Variants in PLA2G4E observed in about 807,000 individuals in gnomAD.
PLA2G4E encodes phospholipase A2 group IVE, also known as cytosolic phospholipase A2 epsilon.
PLA2G4E carries 84 observed loss-of-function variants against 109.1 expected under a neutral mutation model. That is an observed-to-expected ratio of 0.77 (90% CI 0.65 to 0.92). The LOEUF is 0.92. Among genes scored for constraint, PLA2G4E ranks in the 40% least tolerant of loss-of-function variants. The pLI, the probability that PLA2G4E is intolerant of heterozygous loss-of-function variation, is 0.00. For missense variants in PLA2G4E, 1,057 were observed against 1,076.6 expected (o/e 0.98, Z 0.25); for synonymous variants, 469 against 436.1 (o/e 1.08, Z -0.94).
chr15:42,013,950 G>A (rs2068563946), intron 1 of PLA2G4E, among the ~76,000 whole-genome samples, 193 bp from the exon 2 acceptor site: 1 of 142,496 alleles, frequency 7.0e-6, no homozygotes, highest in South Asian at 2.2e-4. Context: ...AGAGTGCCAT[G>A]GCGCGATCTC....
chr15:41,987,778 C>A (rs2068167334), intron 16 of PLA2G4E, among the ~76,000 whole-genome samples: 1 of 152,192 alleles, frequency 6.6e-6, no homozygotes, highest in African/African-American at 2.4e-5. Context: ...CCCCAGCTGC[C>A]CTCCCACGTC....
At chr15:42,040,101 C>T (rs1005705349) in intron 1 of PLA2G4E, among the ~76,000 whole-genome samples, 4 of 152,048 alleles carry the variant, frequency 2.6e-5, no homozygotes, top group Non-Finnish European at 5.9e-5. Context: ...CTTTGGGAGG[C>T]CGAGGTGGAG....
intron 1 of PLA2G4E, among the ~76,000 whole-genome samples, chr15:42,016,425 C>A (rs2068596041): frequency 6.6e-6 from 1 of 151,878 alleles, no homozygotes; most frequent in Non-Finnish European, 1.5e-5. Context: ...GCAACCTCTG[C>A]CTCCCAGGTT....
intron 1 of PLA2G4E, among the ~76,000 whole-genome samples, chr15:42,040,146 G>C (rs1339430236): frequency 6.6e-6 from 1 of 151,652 alleles, no homozygotes. Flanking sequence ...GACCAGTTTG[G>C]GTAACATAGT....
At chr15:41,989,625 G>C in intron 14 of PLA2G4E, 73 bp from the exon 15 acceptor site, 1 of 1,533,928 alleles carries the variant, frequency 6.5e-7, no homozygotes. Flanking sequence ...CCCCCCTCCT[G>C]CCTGCAGCCA....
chr15:41,984,040 T>A, intron 19 of PLA2G4E, 66 bp from the exon 20 acceptor site: 1 of 1,455,658 alleles, frequency 6.9e-7, no homozygotes, highest in South Asian at 1.2e-5. Flanking sequence ...TGTTTCCACA[T>A]CTCTCCCCAA....
intron 10 of PLA2G4E, chr15:41,998,697 A>G (rs1397378351): frequency 1.3e-5 from 2 of 152,244 alleles, no homozygotes; most frequent in Non-Finnish European, 2.9e-5. Context: ...CTAAAAATTG[A>G]TCATAGACCT....
At chr15:42,021,347 T>C (rs1205966975) in intron 1 of PLA2G4E, among the ~76,000 whole-genome samples, 2 of 151,828 alleles carry the variant, frequency 1.3e-5, no homozygotes, top group Admixed American at 6.5e-5. Context: ...ACTGTAGGAC[T>C]AGCCCGCCAT....
intron 12 of PLA2G4E, 82 bp from the exon 13 acceptor site, chr15:41,993,041 G>A (rs1479097067): frequency 1.5e-6 from 2 of 1,295,792 alleles, no homozygotes; most frequent in African/African-American, 1.5e-5. Context: ...GGGAAGGTGG[G>A]CAGGCCATTG....
chr15:42,038,286 G>T (rs1889252997), intron 1 of PLA2G4E, among the ~76,000 whole-genome samples: 1 of 152,106 alleles, frequency 6.6e-6, no homozygotes, highest in Non-Finnish European at 1.5e-5. Flanking sequence ...GGATGGTGGG[G>T]GCAGGGATGA....
intron 1 of PLA2G4E, among the ~76,000 whole-genome samples, chr15:42,036,505 C>A (rs991583979): frequency 6.6e-6 from 1 of 152,144 alleles, no homozygotes; most frequent in Non-Finnish European, 1.5e-5. Context: ...TCCTGTGCCT[C>A]GGGTGGAGGC....
At chr15:41,994,094 G>A (rs529265462) in intron 12 of PLA2G4E, among the ~76,000 whole-genome samples, 59 of 152,264 alleles carry the variant, frequency 3.9e-4, no homozygotes, top group African/African-American at 1.3e-3. Flanking sequence ...ATGTGGGCCC[G>A]GGACTAGGTT....
At chr15:42,041,318 AG>A (rs1889312588) in intron 1 of PLA2G4E, among the ~76,000 whole-genome samples, 2 of 117,464 alleles carry the variant, frequency 1.7e-5, no homozygotes, top group Admixed American at 2.0e-4. Context: ...GATGGGTAAA[AG>A]GAAAAAAAAA....
At chr15:42,013,079 A>AG (rs1299444805) in intron 2 of PLA2G4E, among the ~76,000 whole-genome samples, 1 of 152,096 alleles carries the variant, frequency 6.6e-6, no homozygotes. Flanking sequence ...CTCTGGGATG[A>AG]GGGGGGAGGT....
intron 13 of PLA2G4E, among the ~76,000 whole-genome samples, chr15:41,990,936 G>A (rs2068237343): frequency 6.6e-6 from 1 of 151,916 alleles, no homozygotes; most frequent in Admixed American, 6.6e-5. Context: ...CCCAGGCCAA[G>A]CAGCTGACTC....
At chr15:42,016,717 T>C (rs2068598854) in intron 1 of PLA2G4E, among the ~76,000 whole-genome samples, 1 of 152,148 alleles carries the variant, frequency 6.6e-6, no homozygotes, top group Admixed American at 6.5e-5. Flanking sequence ...AGGTCTCTTC[T>C]CCTCTCCTGA....
intron 1 of PLA2G4E, among the ~76,000 whole-genome samples, chr15:42,028,903 T>C (rs1054663406): frequency 1.3e-5 from 2 of 152,204 alleles, no homozygotes; most frequent in Non-Finnish European, 2.9e-5. Flanking sequence ...CCAGAACTTC[T>C]GGCCAGCAAA....
At chr15:42,002,509 T>C in intron 6 of PLA2G4E, 145 bp downstream of exon 6, 1 of 881,676 alleles carries the variant, frequency 1.1e-6, no homozygotes, top group Non-Finnish European at 1.8e-6. Flanking sequence ...CCCATTTGGC[T>C]GGCCTCGTTT....
chr15:42,007,897 G>C (rs778250724), intron 2 of PLA2G4E, 32 bp from the exon 3 acceptor site: 8 of 1,578,170 alleles, frequency 5.1e-6, no homozygotes, highest in Non-Finnish European at 5.2e-6. Context: ...AACCAATCCA[G>C]GTTCAGAGAG....
Sources: allele counts gnomAD v4.1 joint callset (sites outside exome capture counted in the v4.1 genomes callset), GRCh38; gene constraint gnomAD v4.1.1; transcripts MANE v1.5; gene names NCBI Gene and HGNC (gene_info 2026-07-23, HGNC 2026-07-21).